MAP4K5: variants seen among roughly 807,000 people sequenced by gnomAD.
MAP4K5 encodes mitogen-activated protein kinase kinase kinase kinase 5.
Under a neutral mutation model 135.6 loss-of-function variants are expected in MAP4K5, and 82 were observed. The ratio of observed to expected loss-of-function variants is 0.60; its 90% confidence interval spans 0.51 to 0.73. The LOEUF is 0.73. Ranked by LOEUF, MAP4K5 falls within the 30% of genes least tolerant of loss-of-function variation. MAP4K5 has a pLI of 0.00. For missense variants in MAP4K5, 907 were observed against 1,010.9 expected (o/e 0.90, Z 1.39); for synonymous variants, 347 against 335.0 (o/e 1.04, Z -0.39).
In MAP4K5 at chr14:50,532,020, G is replaced by A. The variant is rs1284543914; in HGVS notation, c.30C>T (p.Asp10=). The part of the protein sequence containing the change: MEAPLRPAA[D]ILRRNPQQDY... ...CCTGCTGCGGGTTCCGCCTCAGGATGTCCGCGGCAGGCCGCAGCGGGGCCT... is the reference window on the plus strand; with the variant it reads ...CCTGCTGCGGGTTCCGCCTCAGGATATCCGCGGCAGGCCGCAGCGGGGCCT... Residue 10 remains aspartate (D), a synonymous_variant, in exon 2 of 33, where the codon GAC becomes GAT. Transcript: ENST00000682126. The A allele has an allele frequency of 3.1e-6, 5 of 1,588,216 alleles. No individual in the cohort carries two copies. The Admixed American group carries it at 7.0e-5, about 22-fold the overall frequency.
At chr14:50,438,584 A>T (rs539252737) in intron 23 of MAP4K5, among the ~76,000 whole-genome samples, 1 of 152,266 alleles carries the variant, frequency 6.6e-6, no homozygotes, top group South Asian at 2.1e-4. Context: ...TGTATTAAGT[A>T]AGAGGGATGG....
upstream of MAP4K5, among the ~76,000 whole-genome samples, chr14:50,536,227 C>T (rs148413607): frequency 2.0e-5 from 3 of 152,294 alleles, no homozygotes; most frequent in East Asian, 5.8e-4. Flanking sequence ...GGCGGATCAT[C>T]TGAGGTCGGG....
chr14:50,518,597 T>G (rs774167139), intron 2 of MAP4K5, among the ~76,000 whole-genome samples: 3 of 152,222 alleles, frequency 2.0e-5, no homozygotes, highest in Admixed American at 6.5e-5. Flanking sequence ...GAGGCTATAC[T>G]GCACAATTTC....
At chr14:50,461,200 A>AT (rs2036704448) in intron 13 of MAP4K5, among the ~76,000 whole-genome samples, 1 of 151,462 alleles carries the variant, frequency 6.6e-6, no homozygotes, top group South Asian at 2.1e-4. Flanking sequence ...TAATTTTTGT[A>AT]TTTTTTTCAA....
At position 50,506,547 on chromosome 14, in the gene MAP4K5, C is replaced by T. The variant is rs117442044; in HGVS notation, c.109-1690G>A. On this transcript the variant is annotated intron_variant, in intron 2 of 32. Coordinates refer to ENST00000682126, the MANE Select transcript of MAP4K5 (RefSeq NM_006575.6). ...CTAACTGTTGTACTTTTTGTAGAGA[C>T]GGGTTTCGCCATGTTGCCCAGGCCG... Among the ~76,000 whole-genome samples, 711 of 152,128 alleles carry T rather than the reference C, an allele frequency of 4.7e-3. 8 individuals are homozygous for T. Among genetic ancestry groups the T allele is most frequent in the African/African-American group, 0.016 (679 of 41,496 alleles).
chr14:50,420,003 G>C lies in MAP4K5; in HGVS notation c.*16C>G, dbSNP rs1300358421. The C allele has an allele frequency of 6.5e-7, 1 of 1,546,826 alleles. No homozygotes were observed. Among genetic ancestry groups the C allele is most frequent in the Admixed American group, 1.8e-5 (1 of 56,796 alleles). On this transcript the variant is annotated 3_prime_UTR_variant, in exon 33 of 33. Coordinates refer to ENST00000682126, the MANE Select transcript of MAP4K5 (RefSeq NM_006575.6). ...GTATATTCATTTTCCTGTCATTTGA[G>C]ATCAGTTTCTGTTGCTTAGTAACTA... is the stretch of plus-strand genomic sequence containing the variant.
chr14:50,427,891 T>G (rs1213781660), intron 30 of MAP4K5, among the ~76,000 whole-genome samples: 1 of 152,176 alleles, frequency 6.6e-6, no homozygotes, highest in Admixed American at 6.5e-5. Context: ...AGCAGTAATA[T>G]CAACACACAC....
chr14:50,485,804 T>C lies in MAP4K5; in HGVS notation c.258-162A>G. The C allele has an allele frequency of 8.8e-6, 5 of 570,128 alleles. No individual in the cohort carries two copies. In the Admixed American group the frequency reaches 1.1e-4, roughly 12 times the overall value. The allele number at this position is 570,128 out of a possible 1,614,324, so 35.3% of individuals were successfully genotyped here. A position where few individuals can be genotyped will look rare whatever the true frequency, so the allele number is the denominator to read the frequency against. ...TACAATATACAGAAAAGCACATTAA[T>C]TTCAGCTTTGTTCCCATCTTCAGTG... is the stretch of plus-strand genomic sequence containing the variant. On this transcript the variant is annotated intron_variant, in intron 4 of 32. Coordinates refer to ENST00000682126, the MANE Select transcript of MAP4K5 (RefSeq NM_006575.6).
intron 32 of MAP4K5, among the ~76,000 whole-genome samples, chr14:50,422,169 C>T (rs1377673815): frequency 6.6e-6 from 1 of 152,116 alleles, no homozygotes. Flanking sequence ...CTCAGCCCTT[C>T]CTGGAGAAGC....
chr14:50,510,750 A>G (rs1174694165), intron 2 of MAP4K5, among the ~76,000 whole-genome samples: 4 of 152,234 alleles, frequency 2.6e-5, no homozygotes, highest in Non-Finnish European at 5.9e-5. Context: ...TAAATCAGTG[A>G]AAGATGACAG....
rs558249524 is a variant in MAP4K5 at position 50,444,730 on chromosome 14, G to A, written c.1339+311C>T. Among the ~76,000 whole-genome samples, 55 of 152,148 alleles carry A rather than the reference G, an allele frequency of 3.6e-4. No homozygotes were observed. The South Asian group carries it at 0.011, about 31-fold the overall frequency. Reference sequence around the variant, plus strand: ...CTTTCCTAATGTTATGTGTATGTGGGTATACCTTCTGCTGTAGACCCTGAA... The same window carrying A: ...CTTTCCTAATGTTATGTGTATGTGGATATACCTTCTGCTGTAGACCCTGAA... On this transcript the variant is annotated intron_variant, in intron 18 of 32. Coordinates refer to ENST00000682126, the MANE Select transcript of MAP4K5 (RefSeq NM_006575.6).
chr14:50,460,339 C>T (rs1416978325), intron 13 of MAP4K5, among the ~76,000 whole-genome samples: 2 of 152,018 alleles, frequency 1.3e-5, no homozygotes, highest in Non-Finnish European at 2.9e-5. Flanking sequence ...CTGCCTGGCA[C>T]GTGGTTTTGC....
At chr14:50,473,174 T>C (rs896603693) in intron 9 of MAP4K5, among the ~76,000 whole-genome samples, 3 of 152,310 alleles carry the variant, frequency 2.0e-5, no homozygotes, top group Admixed American at 6.5e-5. Flanking sequence ...GATTTTTATG[T>C]AGTTTTTTAA....
At chr14:50,463,047 TA>T (rs930643654) in intron 12 of MAP4K5, among the ~76,000 whole-genome samples, 139 of 152,316 alleles carry the variant, frequency 9.1e-4, no homozygotes, top group African/African-American at 3.1e-3. Flanking sequence ...AAAATTAATA[TA>T]GATTAGATAT....
chr14:50,440,406 A>G lies in MAP4K5; in HGVS notation c.1600T>C (p.Tyr534His), dbSNP rs1207644470. ...TGTAGCTCATTGAGATTCAGTGTGT[A>G]AATACCATCTTCAGTTCCAAAAATA... ...YIIFGTEDGIYTLNLNELHEA... is the reference protein window; with the variant it reads ...YIIFGTEDGIHTLNLNELHEA... Residue 534 changes from tyrosine to histidine, a missense_variant, in exon 22 of 33, where the codon TAC becomes CAC. By Grantham distance (83) the Tyr-to-His change is moderately conservative. Transcript: ENST00000682126. 1 of 1,603,638 alleles carries G rather than the reference A, an allele frequency of 6.2e-7. No homozygotes were observed. Among genetic ancestry groups the G allele is most frequent in the Non-Finnish European group, 8.5e-7 (1 of 1,172,894 alleles).
intron 3 of MAP4K5, among the ~76,000 whole-genome samples, chr14:50,501,953 TCA>T (rs1468987860): frequency 3.3e-5 from 5 of 152,326 alleles, no homozygotes; most frequent in Non-Finnish European, 5.9e-5. Flanking sequence ...TATTAGGTAT[TCA>T]ATAAATATTT....
chr14:50,435,092 C>T (rs1231770204), intron 26 of MAP4K5, 27 bp from the exon 27 acceptor site: 28 of 1,220,594 alleles, frequency 2.3e-5, no homozygotes, highest in Non-Finnish European at 3.4e-5. Context: ...AAACAAAAAA[C>T]CCAGACACAC....
upstream of MAP4K5, among the ~76,000 whole-genome samples, chr14:50,535,627 A>G (rs1289048372): frequency 6.6e-6 from 1 of 152,198 alleles, no homozygotes; most frequent in Non-Finnish European, 1.5e-5. Context: ...GGCATAAACC[A>G]TGTTTTCCAA....
chr14:50,476,757 CG>C (rs2037109438), intron 6 of MAP4K5, among the ~76,000 whole-genome samples: 1 of 152,140 alleles, frequency 6.6e-6, no homozygotes, highest in Admixed American at 6.5e-5. Flanking sequence ...CCACCACACC[CG>C]GCCTGAAGAT....
Sources: gnomAD v4.1 joint callset for allele counts (sites outside exome capture counted in the v4.1 genomes callset) on GRCh38, gnomAD v4.1.1 for gene constraint, MANE v1.5 for transcripts, NCBI Gene and HGNC (gene_info 2026-07-23, HGNC 2026-07-21) for gene names.